The following LAMA2 variants were observed in gnomAD, a reference collection of about 807,000 sequenced individuals.
LAMA2 encodes laminin subunit alpha-2.
A neutral mutation model predicts 364.8 loss-of-function variants in LAMA2; 269 were observed. That is an observed-to-expected ratio of 0.74 (90% CI 0.67 to 0.82). LAMA2 has a LOEUF of 0.82. Among genes scored for constraint, LAMA2 ranks in the 40% least tolerant of loss-of-function variants. The pLI, the probability that LAMA2 is intolerant of heterozygous loss-of-function variation, is 0.00. For missense variants in LAMA2, 3,807 were observed against 3,873.2 expected (o/e 0.98, Z 0.45); for synonymous variants, 1,379 against 1,370.6 (o/e 1.01, Z -0.14).
chr6:129,456,454 A>G lies in LAMA2; in HGVS notation c.6827A>G (p.Asn2276Ser). 1 of 1,613,552 alleles carries G rather than the reference A, an allele frequency of 6.2e-7. No individual in the cohort carries two copies. Among genetic ancestry groups the G allele is most frequent in the Non-Finnish European group, 8.5e-7 (1 of 1,179,624 alleles). The change falls in exon 48 of 65, where the codon AAT becomes AGT. Residue 2276 changes from asparagine to serine, a missense_variant. Coordinates refer to ENST00000421865, the MANE Select transcript of LAMA2 (RefSeq NM_000426.4). ...PGYTILDVDA[N>S]AMLFVGGLTG... ...TACACGATTCTAGATGTGGATGCAA[A>G]TGCAATGCTGTTTGTTGGTGGCCTG...
At chr6:129,349,479 AATATTTGCAT>A in intron 31 of LAMA2, 95 bp downstream of exon 31, 1 of 972,788 alleles carries the variant, frequency 1.0e-6, no homozygotes, top group Non-Finnish European at 1.7e-6. Flanking sequence ...GAAGAACTTC[AATATTTGCAT>A]ATCCTTTAGA....
intron 1 of LAMA2, among the ~76,000 whole-genome samples, chr6:128,979,070 A>C (rs894216530): frequency 2.0e-5 from 3 of 152,216 alleles, no homozygotes; most frequent in African/African-American, 4.8e-5. Flanking sequence ...GATGTTTGCC[A>C]CTTGGGTCAA....
intron 1 of LAMA2, among the ~76,000 whole-genome samples, chr6:128,938,065 T>C (rs1779939187): frequency 6.6e-6 from 1 of 152,162 alleles, no homozygotes; most frequent in African/African-American, 2.4e-5. Context: ...TGTTGCTTAC[T>C]TTCCATATAT....
intron 1 of LAMA2, among the ~76,000 whole-genome samples, chr6:129,033,823 AC>A (rs1378732734): frequency 6.6e-6 from 1 of 151,884 alleles, no homozygotes; most frequent in African/African-American, 2.4e-5. Context: ...TTTCTCTCCA[AC>A]TGCCACCCCC....
Position 128,883,361 on chromosome 6 carries a change from CAGTCG to C in LAMA2, c.112+7_112+11del. ...TCACAGGCACATCAGCAAAGAGGTA[CAGTCG>C]AGGCATGGGCTTGGGTTGCATCCTT... is the stretch of plus-strand genomic sequence containing the variant. On this transcript the variant is annotated splice_donor_5th_base_variant and intron_variant, in intron 1 of 64. Transcript: ENST00000421865. 6.3e-7 allele frequency: 1 copy of C among 1,589,420 alleles called. No homozygotes were observed.
At position 129,473,092 on chromosome 6, in the gene LAMA2, G is replaced by A; in HGVS notation, c.7301-122G>A. The A allele has an allele frequency of 4.3e-6, 3 of 695,234 alleles. No individual in the cohort carries two copies. In the South Asian group the frequency reaches 5.2e-5, roughly 12 times the overall value. The allele number at this position is 695,234 out of a possible 1,614,324, so 43.1% of individuals were successfully genotyped here. On this transcript the variant is annotated intron_variant, in intron 51 of 64. Transcript: ENST00000421865. ...TATTAAATTGCTAAATATAGTGCAA[G>A]TGCTTGAGAAAGTCAATGTTAATTC...
chr6:129,369,815 A>T, intron 33 of LAMA2, 77 bp from the exon 34 acceptor site: 1 of 1,252,042 alleles, frequency 8.0e-7, no homozygotes, highest in Non-Finnish European at 1.2e-6. Flanking sequence ...CCTTTTATAT[A>T]CAAAAATGTG....
At chr6:129,366,639 T>A (rs577987710) in intron 33 of LAMA2, among the ~76,000 whole-genome samples, 3 of 152,330 alleles carry the variant, frequency 2.0e-5, no homozygotes, top group Admixed American at 1.3e-4. Flanking sequence ...AAATCAGGTA[T>A]AAACTCTTTA....
chr6:129,099,879 T>C (rs1469476317), intron 4 of LAMA2, among the ~76,000 whole-genome samples: 1 of 152,212 alleles, frequency 6.6e-6, no homozygotes, highest in Non-Finnish European at 1.5e-5. Flanking sequence ...CAAACAGCTG[T>C]TCAACCTGCT....
chr6:129,035,195 T>C (rs1380168408), intron 1 of LAMA2, among the ~76,000 whole-genome samples: 3 of 152,146 alleles, frequency 2.0e-5, no homozygotes, highest in Non-Finnish European at 4.4e-5. Flanking sequence ...TATGACTTGG[T>C]ATCTCATTGT....
intron 6 of LAMA2, among the ~76,000 whole-genome samples, chr6:129,147,345 T>C (rs141217258): frequency 5.2e-4 from 78 of 151,150 alleles, no homozygotes; most frequent in African/African-American, 1.8e-3. Context: ...CCTCATGATA[T>C]AGCTTTAGAG....
chr6:129,452,190 TAAATC>T (rs1429879919), intron 45 of LAMA2, among the ~76,000 whole-genome samples: 6 of 152,172 alleles, frequency 3.9e-5, no homozygotes, highest in African/African-American at 1.4e-4. Context: ...CTACAGAAAT[TAAATC>T]AAATAATCAA....
At position 129,328,333 on chromosome 6, in the gene LAMA2, G is replaced by A. The variant is rs727502850; in HGVS notation, c.4232G>A (p.Gly1411Glu). The change falls in exon 29 of 65, where the codon GGA (glycine) becomes GAA (glutamate). Residue 1411 changes from glycine to glutamate, a missense_variant. By Grantham distance (98) the Gly-to-Glu change is moderately conservative. Around this residue, in one of 3 missense-constraint regions of LAMA2, gnomAD observed 3,333 missense variants for 3,345.7 expected, o/e 1.00. Coordinates refer to ENST00000421865, the MANE Select transcript of LAMA2 (RefSeq NM_000426.4). Reference sequence around the variant, plus strand: ...TCTCAACCAGGTGGCCGCACCCCTGGACCAACCCTGGGCACCTGTGTTCCA... The same window carrying A: ...TCTCAACCAGGTGGCCGCACCCCTGAACCAACCCTGGGCACCTGTGTTCCA... ...LRSQPGGRTP[G>E]PTLGTCVPCQ... 1.2e-6 allele frequency: 2 copies of A among 1,614,112 alleles called. No homozygotes were observed. Among genetic ancestry groups the A allele is most frequent in the Non-Finnish European group, 1.7e-6 (2 of 1,180,018 alleles).
chr6:128,929,413 A>G (rs1386006278), intron 1 of LAMA2: 3 of 871,618 alleles, frequency 3.4e-6, no homozygotes, highest in Admixed American at 3.4e-5. Flanking sequence ...GCACACCTCC[A>G]TCTTTGAGTA....
chr6:129,098,905 G>C (rs1435297332), intron 4 of LAMA2, among the ~76,000 whole-genome samples: 1 of 152,110 alleles, frequency 6.6e-6, no homozygotes, highest in African/African-American at 2.4e-5. Flanking sequence ...TTCTTCCCTG[G>C]GTCAGGCTTT....
intron 22 of LAMA2, among the ~76,000 whole-genome samples, chr6:129,308,788 G>C (rs1448096962): frequency 6.6e-6 from 1 of 152,150 alleles, no homozygotes; most frequent in African/African-American, 2.4e-5. Flanking sequence ...TCTGGTGAAG[G>C]CCTCAGGAAG....
At chr6:129,490,389 C>T (rs994652688) in intron 56 of LAMA2, among the ~76,000 whole-genome samples, 1 of 152,130 alleles carries the variant, frequency 6.6e-6, no homozygotes, top group African/African-American at 2.4e-5. Flanking sequence ...TCCATCACCA[C>T]CCTGTGAATT....
At chr6:129,294,400 C>T (rs1047930339) in intron 20 of LAMA2, among the ~76,000 whole-genome samples, 7 of 152,128 alleles carry the variant, frequency 4.6e-5, no homozygotes, top group Non-Finnish European at 8.8e-5. Flanking sequence ...CTGGGAAGTA[C>T]AAGATCCAGG....
At chr6:128,957,836 A>ATTTTTTTTTTTTTTTTTTTTTT (rs10652900) in intron 1 of LAMA2, among the ~76,000 whole-genome samples, 1 of 51,268 alleles carries the variant, frequency 2.0e-5, no homozygotes, top group Non-Finnish European at 3.4e-5. Context: ...TACTTCATGC[A>ATTTTTTTTTTTTTTTTTTTTTT]TTTTTTTTTT....
Sources: allele counts gnomAD v4.1 joint callset (sites outside exome capture counted in the v4.1 genomes callset), GRCh38; gene constraint gnomAD v4.1.1; regional missense constraint gnomAD v4.1.1; transcripts MANE v1.5; gene names NCBI Gene and HGNC (gene_info 2026-07-23, HGNC 2026-07-21).